MARCHF1: variants seen among roughly 807,000 people sequenced by gnomAD.
MARCHF1 encodes membrane associated ring-CH-type finger 1.
Under a neutral mutation model 54.2 loss-of-function variants are expected in MARCHF1, and 40 were observed. That is an observed-to-expected ratio of 0.74 (90% CI 0.57 to 0.96). The LOEUF (loss-of-function observed/expected upper bound fraction) is 0.96. Among genes scored for constraint, MARCHF1 ranks in the 40% least tolerant of loss-of-function variants. The pLI, the probability that MARCHF1 is intolerant of heterozygous loss-of-function variation, is 0.00. For missense variants in MARCHF1, 586 were observed against 656.5 expected (o/e 0.89, Z 1.17); for synonymous variants, 236 against 236.3 (o/e 1.00, Z 0.01).
chr4:163,928,382 G>A (rs200122930), intron 3 of MARCHF1, among the ~76,000 whole-genome samples: 4 of 151,920 alleles, frequency 2.6e-5, no homozygotes, highest in African/African-American at 9.7e-5. Context: ...AAGAGGACAG[G>A]CAATCAGACA....
At chr4:164,093,972 A>G (rs181384344) in intron 2 of MARCHF1, among the ~76,000 whole-genome samples, 28 of 152,254 alleles carry the variant, frequency 1.8e-4, no homozygotes, top group Admixed American at 7.9e-4. Flanking sequence ...TGTGTTCGAA[A>G]TAACTAGTGT....
chr4:164,320,686 C>T (rs1235060147), intron 1 of MARCHF1, among the ~76,000 whole-genome samples: 1 of 149,920 alleles, frequency 6.7e-6, no homozygotes, highest in Non-Finnish European at 1.5e-5. Context: ...TGGGAATGAC[C>T]TAGGAATTCG....
At chr4:164,222,774 A>G (rs1732150203) in intron 1 of MARCHF1, among the ~76,000 whole-genome samples, 1 of 152,086 alleles carries the variant, frequency 6.6e-6, no homozygotes, top group Non-Finnish European at 1.5e-5. Context: ...TGTTTATGAC[A>G]TGTATTATTT....
At chr4:163,649,813 C>G (rs1036129808) in intron 5 of MARCHF1, among the ~76,000 whole-genome samples, 81 of 150,546 alleles carry the variant, frequency 5.4e-4, no homozygotes, top group African/African-American at 1.9e-3. Context: ...AATCTAGTTT[C>G]CACCTCAAGA....
intron 3 of MARCHF1, among the ~76,000 whole-genome samples, chr4:163,898,170 C>A (rs568130664): frequency 4.6e-5 from 7 of 150,606 alleles, no homozygotes; most frequent in Non-Finnish European, 7.4e-5. Flanking sequence ...GCAAATGTAA[C>A]CAAAACAAAA....
chr4:164,219,199 T>A (rs1425095815), intron 1 of MARCHF1, among the ~76,000 whole-genome samples: 2 of 147,744 alleles, frequency 1.4e-5, no homozygotes, highest in African/African-American at 2.5e-5. Flanking sequence ...TTATTATTAA[T>A]CATGTGGAAG....
intron 3 of MARCHF1, among the ~76,000 whole-genome samples, chr4:163,984,976 T>C (rs369014715): frequency 6.6e-6 from 1 of 152,168 alleles, no homozygotes; most frequent in African/African-American, 2.4e-5. Context: ...TTTCCCAAGG[T>C]GTAGGTGAAC....
At chr4:164,202,978 A>G (rs1180435880) in intron 1 of MARCHF1, among the ~76,000 whole-genome samples, 1 of 152,048 alleles carries the variant, frequency 6.6e-6, no homozygotes, top group Non-Finnish European at 1.5e-5. Context: ...ATGTACAAGC[A>G]CAGAGAAAGG....
At chr4:163,886,861 T>C (rs1750549828) in intron 3 of MARCHF1, among the ~76,000 whole-genome samples, 1 of 152,098 alleles carries the variant, frequency 6.6e-6, no homozygotes, top group African/African-American at 2.4e-5. Context: ...TTTTGAAAAA[T>C]AGAATGAAAA....
At chr4:164,300,883 C>A (rs976363116) in intron 1 of MARCHF1, among the ~76,000 whole-genome samples, 8 of 152,164 alleles carry the variant, frequency 5.3e-5, no homozygotes, top group Middle Eastern at 3.4e-3. Context: ...TACCCATTTG[C>A]CCAGTCTCAT....
chr4:163,968,860 G>A (rs767104424), intron 3 of MARCHF1, among the ~76,000 whole-genome samples: 1 of 152,094 alleles, frequency 6.6e-6, no homozygotes, highest in African/African-American at 2.4e-5. Context: ...CTCAGAAATT[G>A]TTTATCCAAA....
chr4:163,664,294 A>G (rs1441037378), intron 5 of MARCHF1, among the ~76,000 whole-genome samples: 1 of 152,100 alleles, frequency 6.6e-6, no homozygotes, highest in Non-Finnish European at 1.5e-5. Context: ...ATGTATACAG[A>G]AGATCAAGTT....
At chr4:164,163,569 A>T (rs1313534755) in intron 1 of MARCHF1, among the ~76,000 whole-genome samples, 2 of 152,026 alleles carry the variant, frequency 1.3e-5, no homozygotes, top group African/African-American at 4.8e-5. Flanking sequence ...TATAAAAAAG[A>T]CAGGACAAAT....
At chr4:164,357,518 T>C (rs1730595670) in intron 1 of MARCHF1, among the ~76,000 whole-genome samples, 1 of 152,156 alleles carries the variant, frequency 6.6e-6, no homozygotes, top group African/African-American at 2.4e-5. Flanking sequence ...TAAAGTAACA[T>C]GCACAGGTTC....
intron 2 of MARCHF1, among the ~76,000 whole-genome samples, chr4:164,054,667 C>G (rs372865570): frequency 6.6e-6 from 1 of 150,386 alleles, no homozygotes; most frequent in African/African-American, 2.5e-5. Context: ...TCTCAGTAAA[C>G]TATCGCAAGA....
chr4:163,999,988 T>C (rs1753155178), intron 2 of MARCHF1, among the ~76,000 whole-genome samples: 1 of 151,716 alleles, frequency 6.6e-6, no homozygotes, highest in South Asian at 2.1e-4. Flanking sequence ...TCAAATATGA[T>C]ATTAATTGTG....
chr4:164,380,371 T>C lies in MARCHF1; in HGVS notation c.-323+3499A>G, dbSNP rs541891743. On this transcript the variant is annotated intron_variant, in intron 1 of 9. Coordinates refer to ENST00000514618, the MANE Select transcript of MARCHF1 (RefSeq NM_001394959.1). ...CATTTTTGTACACTAGTTCATTTGCTATGCACTGTCCCCCATGAGAAAGGC... is the reference window on the plus strand; with the variant it reads ...CATTTTTGTACACTAGTTCATTTGCCATGCACTGTCCCCCATGAGAAAGGC... Among the ~76,000 whole-genome samples, 3 of 152,354 alleles carry C rather than the reference T, an allele frequency of 2.0e-5. No homozygotes were observed. The East Asian group carries it at 5.8e-4, about 29-fold the overall frequency.
intron 1 of MARCHF1, chr4:164,188,681 A>C: frequency 9.0e-7 from 1 of 1,105,572 alleles, no homozygotes; most frequent in Non-Finnish European, 1.4e-6. Flanking sequence ...CATCGGCCGC[A>C]CGTGGAACGA....
At chr4:164,278,358 T>C (rs1733939090) in intron 1 of MARCHF1, among the ~76,000 whole-genome samples, 1 of 152,146 alleles carries the variant, frequency 6.6e-6, no homozygotes. Flanking sequence ...TGAAGTATCC[T>C]GTCAAAGATA....
Sources: allele counts gnomAD v4.1 joint callset (sites outside exome capture counted in the v4.1 genomes callset), GRCh38; gene constraint gnomAD v4.1.1; transcripts MANE v1.5; gene names NCBI Gene and HGNC (gene_info 2026-07-23, HGNC 2026-07-21).